MTUS2: variants seen among roughly 807,000 people sequenced by gnomAD.
The protein encoded by MTUS2 is microtubule associated scaffold protein 2, also known as microtubule-associated tumor suppressor candidate 2.
MTUS2 carries 40 observed loss-of-function variants against 114.1 expected under a neutral mutation model. The observed-to-expected ratio is 0.35, with a 90% CI of 0.27 to 0.46. The LOEUF is 0.46. MTUS2 is among the 20% of genes least tolerant of loss of function. The pLI is 1.00. For synonymous variants in MTUS2, 688 were observed against 672.0 expected (o/e 1.02, Z -0.37); for missense variants, 1,679 against 1,705.4 (o/e 0.98, Z 0.27).
chr13:29,005,958 C>A (rs1270403122), intron 2 of MTUS2, among the ~76,000 whole-genome samples: 1 of 152,184 alleles, frequency 6.6e-6, no homozygotes, highest in Non-Finnish European at 1.5e-5. Flanking sequence ...TGTAACAATT[C>A]TTTTCTTATC....
At chr13:29,238,066 A>G (rs914551509) in intron 5 of MTUS2, among the ~76,000 whole-genome samples, 1 of 152,246 alleles carries the variant, frequency 6.6e-6, no homozygotes, top group African/African-American at 2.4e-5. Context: ...GACAGGGTAT[A>G]TACCAGAGGA....
At chr13:28,840,199 A>G (rs548825692) in intron 2 of MTUS2, among the ~76,000 whole-genome samples, 4 of 152,258 alleles carry the variant, frequency 2.6e-5, no homozygotes, top group Admixed American at 6.5e-5. Flanking sequence ...GTGTTTAGTA[A>G]TATTAATGGA....
Position 28,912,905 on chromosome 13 carries a change from G to A in MTUS2, c.-243+73055G>A, listed in dbSNP as rs138061327. On this transcript the variant is annotated intron_variant, in intron 2 of 15. Coordinates refer to ENST00000612955, the MANE Select transcript of MTUS2 (RefSeq NM_001033602.4). ...TTATTATTATACTTTAAGTTTTAGG[G>A]TACATGTACACAATACCTAATGCTA... Among the ~76,000 whole-genome samples the A allele has an allele frequency of 3.6e-3, 543 of 152,084 alleles. 6 individuals are homozygous for A. Among genetic ancestry groups the A allele is most frequent in the African/African-American group, 0.013 (523 of 41,518 alleles).
chr13:29,475,316 G>A (rs1674645075), intron 9 of MTUS2, among the ~76,000 whole-genome samples: 1 of 152,176 alleles, frequency 6.6e-6, no homozygotes, highest in African/African-American at 2.4e-5. Context: ...ATATAATTAT[G>A]TTTAGTACAT....
At chr13:29,084,531 C>A (rs1397548513) in intron 4 of MTUS2, among the ~76,000 whole-genome samples, 2 of 148,854 alleles carry the variant, frequency 1.3e-5, no homozygotes, top group East Asian at 4.1e-4. Flanking sequence ...TCCCCTCTCC[C>A]CCCCTTCTTT....
intron 5 of MTUS2, among the ~76,000 whole-genome samples, chr13:29,234,272 A>G (rs966041067): frequency 6.6e-6 from 1 of 152,170 alleles, no homozygotes; most frequent in Admixed American, 6.5e-5. Flanking sequence ...ACAGACAGGC[A>G]TGCTCTGGAC....
intron 4 of MTUS2, among the ~76,000 whole-genome samples, chr13:29,080,826 A>G (rs1270088670): frequency 6.6e-6 from 1 of 152,112 alleles, no homozygotes; most frequent in Non-Finnish European, 1.5e-5. Flanking sequence ...CCTGGGTTCA[A>G]GTGATTCCCC....
At chr13:29,305,115 T>A (rs1164172454) in intron 6 of MTUS2, among the ~76,000 whole-genome samples, 1 of 152,168 alleles carries the variant, frequency 6.6e-6, no homozygotes, top group Non-Finnish European at 1.5e-5. Context: ...TGTACCAGAA[T>A]CTCTGGGTTG....
intron 2 of MTUS2, among the ~76,000 whole-genome samples, chr13:28,966,742 A>AC (rs1420489214): frequency 1.3e-4 from 19 of 151,408 alleles, no homozygotes; most frequent in Admixed American, 8.5e-4. Context: ...AAAAAAAAAA[A>AC]AAAAAACAAA....
At chr13:29,205,758 A>G (rs1021718659) in intron 5 of MTUS2, among the ~76,000 whole-genome samples, 1 of 152,236 alleles carries the variant, frequency 6.6e-6, no homozygotes, top group Non-Finnish European at 1.5e-5. Context: ...TTTAAGGCAG[A>G]TTAGCATTCC....
Position 29,026,567 on chromosome 13 carries a change from AGAG to A in MTUS2, c.1873_1875del (p.Glu625del), listed in dbSNP as rs1566304810. 1 of 1,613,980 alleles carries A rather than the reference AGAG, an allele frequency of 6.2e-7. No homozygotes were observed. Among genetic ancestry groups the A allele is most frequent in the Admixed American group, 1.7e-5 (1 of 60,018 alleles). On this transcript the variant is annotated inframe_deletion, in exon 3 of 16. Coordinates refer to ENST00000612955, the MANE Select transcript of MTUS2 (RefSeq NM_001033602.4). ...TGGAGAACTATCAGGTTGAAAAAACAGAGGAGAGGACAGAAACTAAGCCCATCA... is the reference window on the plus strand; with the variant it reads ...TGGAGAACTATCAGGTTGAAAAAACAGAGAGGACAGAAACTAAGCCCATCA...
chr13:29,275,991 C>T (rs1593251425), intron 5 of MTUS2, among the ~76,000 whole-genome samples: 1 of 152,308 alleles, frequency 6.6e-6, no homozygotes. Context: ...CCTTTGTTTT[C>T]TTCTAAGAGT....
At chr13:28,891,570 G>A (rs1483964610) in intron 2 of MTUS2, among the ~76,000 whole-genome samples, 1 of 152,062 alleles carries the variant, frequency 6.6e-6, no homozygotes, top group East Asian at 1.9e-4. Flanking sequence ...GCTGAAAGGA[G>A]AAGATGAAAT....
At chr13:29,184,571 G>A (rs1894143098) in intron 5 of MTUS2, among the ~76,000 whole-genome samples, 1 of 152,142 alleles carries the variant, frequency 6.6e-6, no homozygotes, top group Admixed American at 6.5e-5. Context: ...TTGAAGACAT[G>A]CACTAACTAC....
chr13:29,479,809 A>AT lies in MTUS2; in HGVS notation c.3185-335dup, dbSNP rs528653109. ...TCTACATTTTTACCAAACGCCCAAT[A>AT]TTTTTTATGTCTGTGGACCACGGAC... On this transcript the variant is annotated intron_variant, in intron 9 of 15. Coordinates refer to ENST00000612955, the MANE Select transcript of MTUS2 (RefSeq NM_001033602.4). Among the ~76,000 whole-genome samples the AT allele has an allele frequency of 7.2e-5, 11 of 152,166 alleles. No individual in the cohort carries two copies. In the South Asian group the frequency reaches 2.3e-3, roughly 32 times the overall value.
chr13:29,100,991 T>G (rs757011273), intron 5 of MTUS2, 21 bp downstream of exon 5: 4 of 1,524,350 alleles, frequency 2.6e-6, no homozygotes, highest in Non-Finnish European at 3.5e-6. Flanking sequence ...TGGGGCAGGG[T>G]GGGGTGCCTT....
rs1215960579 is a variant in MTUS2 at position 29,465,892 on chromosome 13, C to CTAACTT, written c.3185-14258_3185-14257insTAACTT. Among the ~76,000 whole-genome samples, 9 of 152,378 alleles carry CTAACTT rather than the reference C, an allele frequency of 5.9e-5. No homozygotes were observed. The East Asian group carries it at 1.7e-3, about 29-fold the overall frequency. Reference sequence around the variant, plus strand: ...TAAGTTAGAACAGTCTGCCTGCTGGCAGGAAGCCAGGGCTGCATGGAGAAA... The same window carrying CTAACTT: ...TAAGTTAGAACAGTCTGCCTGCTGGCTAACTTAGGAAGCCAGGGCTGCATGGAGAAA... On this transcript the variant is annotated intron_variant, in intron 9 of 15. Transcript: ENST00000612955.
chr13:29,076,801 G>A (rs990825043), intron 4 of MTUS2, among the ~76,000 whole-genome samples: 1 of 152,172 alleles, frequency 6.6e-6, no homozygotes, highest in Non-Finnish European at 1.5e-5. Flanking sequence ...TCACTGGAGA[G>A]CCACCATCTT....
chr13:29,337,255 G>A (rs1165851290), intron 7 of MTUS2, among the ~76,000 whole-genome samples: 1 of 152,098 alleles, frequency 6.6e-6, no homozygotes, highest in Non-Finnish European at 1.5e-5. Context: ...TTTTGTGCTT[G>A]AAACCCAGGC....
Sources: gnomAD v4.1 joint callset for allele counts (sites outside exome capture counted in the v4.1 genomes callset) on GRCh38, gnomAD v4.1.1 for gene constraint, MANE v1.5 for transcripts, NCBI Gene and HGNC (gene_info 2026-07-23, HGNC 2026-07-21) for gene names.